SHC4: variants seen among roughly 807,000 people sequenced by gnomAD.
SHC4 encodes SHC-transforming protein 4.
Under a neutral mutation model 69.4 loss-of-function variants are expected in SHC4, and 41 were observed. That is an observed-to-expected ratio of 0.59 (90% CI 0.46 to 0.77). SHC4 has a LOEUF of 0.77. SHC4 is among the 30% of genes least tolerant of loss of function. The probability of loss-of-function intolerance (pLI) is 0.00; values close to 1 mark genes in which losing one functional copy is unlikely to be tolerated. For synonymous variants in SHC4, 318 were observed against 299.3 expected, an observed-to-expected ratio of 1.06 and a Z score of -0.64; for missense variants, 777 against 783.8, an observed-to-expected ratio of 0.99 and a Z score of 0.10.
At chr15:48,845,417 G>A (rs966307797) in intron 9 of SHC4, among the ~76,000 whole-genome samples, 5 of 152,310 alleles carry the variant, frequency 3.3e-5, no homozygotes, top group African/African-American at 1.2e-4. Flanking sequence ...TACAGAGGGA[G>A]GAGTTGACAG....
chr15:48,928,101 G>GC (rs1396829362), intron 1 of SHC4, among the ~76,000 whole-genome samples: 3 of 152,190 alleles, frequency 2.0e-5, no homozygotes, highest in Non-Finnish European at 4.4e-5. Context: ...GGAGGTGAAG[G>GC]CTTGGCTGGT....
At chr15:48,898,352 CA>C (rs2141010228) in intron 2 of SHC4, among the ~76,000 whole-genome samples, 1 of 152,292 alleles carries the variant, frequency 6.6e-6, no homozygotes, top group African/African-American at 2.4e-5. Flanking sequence ...TATCAAGGGG[CA>C]TCACCCGTGT....
Position 48,878,574 on chromosome 15 carries a change from A to G in SHC4, c.840+5674T>C, listed in dbSNP as rs371640324. On this transcript the variant is annotated intron_variant, in intron 4 of 11. Transcript: ENST00000332408. ...TCAGCCGCTCTTGAAGAAGCCGACA[A>G]GATGTTTCTGAGAACAAGAGAACCA... 54 of 1,613,938 alleles carry G rather than the reference A, an allele frequency of 3.3e-5. No homozygotes were observed. Among genetic ancestry groups the G allele is most frequent in the Non-Finnish European group, 4.2e-5 (50 of 1,179,904 alleles).
At position 48,958,839 on chromosome 15, in the gene SHC4, A is replaced by C. The variant is rs548993766; in HGVS notation, c.585+3592T>G. Among the ~76,000 whole-genome samples, 4 of 152,320 alleles carry C rather than the reference A, an allele frequency of 2.6e-5. No individual in the cohort carries two copies. The East Asian group carries it at 7.7e-4, about 29-fold the overall frequency. On this transcript the variant is annotated intron_variant, in intron 1 of 11. Coordinates refer to ENST00000332408, the MANE Select transcript of SHC4 (RefSeq NM_203349.4). ...AATGAAGTCACATTTGACACCATTTAATGGGCTTTGCCCACCTCACTACTT... is the reference window on the plus strand; with the variant it reads ...AATGAAGTCACATTTGACACCATTTCATGGGCTTTGCCCACCTCACTACTT...
At chr15:48,873,334 T>C (rs1043862098) in intron 4 of SHC4, among the ~76,000 whole-genome samples, 11 of 152,218 alleles carry the variant, frequency 7.2e-5, no homozygotes, top group Non-Finnish European at 7.3e-5. Flanking sequence ...TGAATATTGG[T>C]TATACAACTG....
chr15:48,957,928 A>G (rs1431112412), intron 1 of SHC4, among the ~76,000 whole-genome samples: 2 of 152,242 alleles, frequency 1.3e-5, no homozygotes, highest in Non-Finnish European at 2.9e-5. Flanking sequence ...TCTACAAGCC[A>G]AGGAGCACCA....
chr15:48,956,301 C>G (rs1230630041), intron 1 of SHC4, among the ~76,000 whole-genome samples: 1 of 152,128 alleles, frequency 6.6e-6, no homozygotes, highest in Non-Finnish European at 1.5e-5. Flanking sequence ...CTGAGCGACC[C>G]AGGTCTGGCT....
chr15:48,897,023 G>T (rs1352042911), intron 2 of SHC4, among the ~76,000 whole-genome samples: 1 of 152,202 alleles, frequency 6.6e-6, no homozygotes, highest in Non-Finnish European at 1.5e-5. Context: ...GGCTCAGGGG[G>T]TCCCCGCCAT....
At chr15:48,913,804 G>A (rs969737951) in intron 2 of SHC4, among the ~76,000 whole-genome samples, 19 of 152,106 alleles carry the variant, frequency 1.2e-4, no homozygotes, top group Admixed American at 9.2e-4. Flanking sequence ...CTTGGATTTC[G>A]TTCAGCTCTC....
chr15:48,916,862 A>G (rs186928323), intron 2 of SHC4, among the ~76,000 whole-genome samples: 13 of 152,356 alleles, frequency 8.5e-5, no homozygotes, highest in Admixed American at 3.9e-4. Context: ...TACAAGTTAC[A>G]TGTGTAAGGC....
chr15:48,942,364 C>T (rs1445930562), intron 1 of SHC4, among the ~76,000 whole-genome samples: 1 of 151,968 alleles, frequency 6.6e-6, no homozygotes, highest in East Asian at 1.9e-4. Flanking sequence ...TAAAATCGAA[C>T]ATAGATTTTT....
chr15:48,859,298 T>C (rs1231409361), intron 6 of SHC4, among the ~76,000 whole-genome samples: 11 of 132,414 alleles, frequency 8.3e-5, no homozygotes, highest in African/African-American at 8.2e-5. Flanking sequence ...CTGAACACAT[T>C]TGAAAGGGGT....
At chr15:48,877,924 T>C (rs566680838) in intron 4 of SHC4, 1 of 430,388 alleles carries the variant, frequency 2.3e-6, no homozygotes, top group South Asian at 4.9e-5. Context: ...ACTGTTACGC[T>C]CTTGCATGCA....
intron 9 of SHC4, among the ~76,000 whole-genome samples, chr15:48,843,851 G>A (rs1899040459): frequency 6.6e-6 from 1 of 152,052 alleles, no homozygotes; most frequent in African/African-American, 2.4e-5. Flanking sequence ...CAGAAGACAA[G>A]CAGGAAGATC....
chr15:48,924,813 T>C, intron 2 of SHC4, 66 bp downstream of exon 2: 1 of 1,535,348 alleles, frequency 6.5e-7, no homozygotes, highest in Non-Finnish European at 9.0e-7. Flanking sequence ...ATAAAATTCC[T>C]GTGGGAGAAA....
At chr15:48,865,831 C>G (rs1440068569) in intron 6 of SHC4, among the ~76,000 whole-genome samples, 1 of 152,190 alleles carries the variant, frequency 6.6e-6, no homozygotes, top group Non-Finnish European at 1.5e-5. Context: ...CAGCTCAGCT[C>G]TGACAAATGA....
chr15:48,845,542 G>C (rs1899072486), intron 9 of SHC4, among the ~76,000 whole-genome samples: 1 of 152,110 alleles, frequency 6.6e-6, no homozygotes, highest in African/African-American at 2.4e-5. Flanking sequence ...TTTACAAATG[G>C]AAAGTGGCTA....
chr15:48,827,349 G>A (rs1898708639), intron 11 of SHC4, among the ~76,000 whole-genome samples: 1 of 152,204 alleles, frequency 6.6e-6, no homozygotes, highest in African/African-American at 2.4e-5. Context: ...CTATGGAAGA[G>A]AATATCTCTG....
chr15:48,924,513 T>C (rs1282048780), intron 2 of SHC4, among the ~76,000 whole-genome samples: 1 of 152,216 alleles, frequency 6.6e-6, no homozygotes, highest in Non-Finnish European at 1.5e-5. Context: ...GCTTGGGCTT[T>C]CTCATGTTGA....
Sources: allele counts gnomAD v4.1 joint callset (sites outside exome capture counted in the v4.1 genomes callset), GRCh38; gene constraint gnomAD v4.1.1; transcripts MANE v1.5; gene names NCBI Gene and HGNC (gene_info 2026-07-23, HGNC 2026-07-21).